The following ZNF326 variants were observed in gnomAD, a reference collection of about 807,000 sequenced individuals.
ZNF326 encodes DBIRD complex subunit ZNF326.
Under a neutral mutation model 63.1 loss-of-function variants are expected in ZNF326, and 30 were observed. The ratio of observed to expected loss-of-function variants is 0.48; its 90% CI spans 0.36 to 0.64. The LOEUF (loss-of-function observed/expected upper bound fraction) is 0.64, where lower values mean the gene tolerates loss of function less well. ZNF326 is among the 30% of genes least tolerant of loss of function. The pLI is 0.00. For synonymous variants in ZNF326, 194 were observed against 228.2 expected, an observed-to-expected ratio of 0.85 and a Z score of 1.35; for missense variants, 609 against 720.3, an observed-to-expected ratio of 0.85 and a Z score of 1.77.
chr1:90,001,214 G>A (rs1648658971), intron 2 of ZNF326, among the ~76,000 whole-genome samples: 1 of 152,150 alleles, frequency 6.6e-6, no homozygotes, highest in South Asian at 2.1e-4. Context: ...CCCAGGGGGT[G>A]CAAAATCTCC....
At chr1:89,995,647 T>G (rs1648323617) in intron 1 of ZNF326, among the ~76,000 whole-genome samples, 1 of 152,262 alleles carries the variant, frequency 6.6e-6, no homozygotes, top group African/African-American at 2.4e-5. Flanking sequence ...AGTCTCGCAT[T>G]CGCCCCACAG....
chr1:90,012,941 ATG>A (rs1252608153), intron 6 of ZNF326, among the ~76,000 whole-genome samples, 183 bp from the exon 7 acceptor site: 1 of 152,218 alleles, frequency 6.6e-6, no homozygotes, highest in Non-Finnish European at 1.5e-5. Flanking sequence ...ATTCAAATGA[ATG>A]AAGTTCATTT....
Position 90,035,063 on chromosome 1 carries a change from AT to A in ZNF326, c.*7367del, listed in dbSNP as rs918331339. The A allele has an allele frequency of 6.6e-6, 1 of 152,216 alleles. No homozygotes were observed. Among genetic ancestry groups the A allele is most frequent in the African/African-American group, 2.4e-5 (1 of 41,466 alleles). The allele number at this position is 152,216 out of a possible 1,614,324, so 9.4% of individuals were successfully genotyped here. On this transcript the variant is annotated 3_prime_UTR_variant, in exon 12 of 12. Transcript: ENST00000340281. ...AAGATTGAACACATTCCAGATTTAA[AT>A]TTTTCAGGCTGAGAATAGAATAAAG...
At chr1:90,014,512 GA>G (rs1182406260) in intron 7 of ZNF326, among the ~76,000 whole-genome samples, 1 of 152,160 alleles carries the variant, frequency 6.6e-6, no homozygotes, top group East Asian at 1.9e-4. Context: ...TTACTAAGGA[GA>G]AATTTGATTT....
At chr1:90,010,384 A>G in intron 6 of ZNF326, 98 bp downstream of exon 6, 8 of 1,259,962 alleles carry the variant, frequency 6.3e-6, no homozygotes, top group Non-Finnish European at 8.8e-6. Context: ...TACAGAAACT[A>G]CATAACAATT....
chr1:90,027,607 G>GAGTGGGGGA lies in ZNF326; in HGVS notation c.1659_1667dup (p.Gly554_Val556dup), dbSNP rs1650081170. ...GTAGGGGTAGTGGGAGAAGTAGAGGGAGTGGGGGAAGTAGAGGAAGTAGAG... is the reference window on the plus strand; with the variant it reads ...GTAGGGGTAGTGGGAGAAGTAGAGGGAGTGGGGGAAGTGGGGGAAGTAGAGGAAGTAGAG... On this transcript the variant is annotated inframe_insertion, in exon 12 of 12. Coordinates refer to ENST00000340281, the MANE Select transcript of ZNF326 (RefSeq NM_182976.4). The GAGTGGGGGA allele has an allele frequency of 1.2e-6, 2 of 1,612,902 alleles. No individual in the cohort carries two copies. Among genetic ancestry groups the GAGTGGGGGA allele is most frequent in the African/African-American group, 1.3e-5 (1 of 74,818 alleles).
chr1:90,001,476 G>A (rs981216246), intron 2 of ZNF326, among the ~76,000 whole-genome samples: 1 of 152,098 alleles, frequency 6.6e-6, no homozygotes, highest in African/African-American at 2.4e-5. Context: ...GGTGCTGGTA[G>A]TGTAGAGTTG....
rs151256798 is a variant in ZNF326, at chr1:90,017,425, A to G, written c.1035A>G (p.Lys345=). 1.9e-6 allele frequency: 3 copies of G among 1,596,238 alleles called. No homozygotes were observed. The highest frequency in any genetic ancestry group is 2.6e-6 in the Non-Finnish European group (3 of 1,175,262). The change falls in exon 8 of 12, where the codon AAA becomes AAG. Residue 345 remains lysine (K), a synonymous_variant. Coordinates refer to ENST00000340281, the MANE Select transcript of ZNF326 (RefSeq NM_182976.4). ...SHQETLDHIQ[K]QTKFDKVVME... ...AGGAAACATTAGATCATATACAGAA[A>G]CAAACTAAATTTGATAAAGTAGTTA...
At chr1:90,003,189 G>A (rs1480764366) in intron 2 of ZNF326, among the ~76,000 whole-genome samples, 2 of 150,200 alleles carry the variant, frequency 1.3e-5, no homozygotes, top group Non-Finnish European at 3.0e-5. Context: ...GGAGTGCAGT[G>A]GCACGATCTT....
intron 2 of ZNF326, among the ~76,000 whole-genome samples, chr1:89,998,562 C>G (rs1387495994): frequency 6.6e-6 from 1 of 152,046 alleles, no homozygotes; most frequent in African/African-American, 2.4e-5. Flanking sequence ...TTTTTGAGGT[C>G]ATTTTCTTCA....
intron 6 of ZNF326, among the ~76,000 whole-genome samples, chr1:90,012,411 C>G (rs1649295033): frequency 6.6e-6 from 1 of 152,056 alleles, no homozygotes; most frequent in Non-Finnish European, 1.5e-5. Flanking sequence ...ATCCGTAGAT[C>G]AGAAAGCAGA....
At chr1:90,003,103 G>A (rs1365766993) in intron 2 of ZNF326, among the ~76,000 whole-genome samples, 4 of 149,464 alleles carry the variant, frequency 2.7e-5, no homozygotes, top group East Asian at 1.9e-4. Flanking sequence ...GGTCGTTTTC[G>A]TTAAAACAAT....
chr1:90,002,151 A>G (rs574593879), intron 2 of ZNF326, among the ~76,000 whole-genome samples: 1 of 152,282 alleles, frequency 6.6e-6, no homozygotes, highest in African/African-American at 2.4e-5. Context: ...CTGTAGCCCT[A>G]TAACTACACT....
intron 11 of ZNF326, among the ~76,000 whole-genome samples, chr1:90,024,892 T>C (rs1314372515): frequency 6.6e-6 from 1 of 152,108 alleles, no homozygotes; most frequent in African/African-American, 2.4e-5. Context: ...TCACCTTTAT[T>C]ATTTGTGAGG....
chr1:90,022,859 G>GT (rs910154152), intron 11 of ZNF326, among the ~76,000 whole-genome samples: 1 of 152,154 alleles, frequency 6.6e-6, no homozygotes, highest in Admixed American at 6.5e-5. Flanking sequence ...TGTCCACCTA[G>GT]TTTTTTCTTC....
chr1:90,010,164 T>C lies in ZNF326; in HGVS notation c.692T>C (p.Val231Ala). The change falls in exon 6 of 12, where the codon GTT becomes GCT. Residue 231 changes from valine to alanine, a missense_variant. Coordinates refer to ENST00000340281, the MANE Select transcript of ZNF326 (RefSeq NM_182976.4). ...CAAAACAAATCCACCAATGTGACAG[T>C]TGCTGCTGCAAGAGGAATAAAGAGA... ...DYQNKSTNVT[V>A]AAARGIKRKM... 6.2e-7 allele frequency: 1 copy of C among 1,613,898 alleles called. No homozygotes were observed.
At chr1:90,002,148 C>T (rs1159009471) in intron 2 of ZNF326, among the ~76,000 whole-genome samples, 3 of 151,890 alleles carry the variant, frequency 2.0e-5, no homozygotes, top group African/African-American at 7.3e-5. Flanking sequence ...TATCTGTAGC[C>T]CTATAACTAC....
chr1:89,998,798 G>T (rs925075100), intron 2 of ZNF326, among the ~76,000 whole-genome samples: 79 of 152,216 alleles, frequency 5.2e-4, no homozygotes, highest in African/African-American at 1.9e-3. Flanking sequence ...ATTAATGCAG[G>T]TTAAAAAACA....
At chr1:90,011,167 A>G (rs1043241148) in intron 6 of ZNF326, among the ~76,000 whole-genome samples, 1 of 152,196 alleles carries the variant, frequency 6.6e-6, no homozygotes, top group Non-Finnish European at 1.5e-5. Flanking sequence ...CCCTTTTTAT[A>G]TAACAAAACT....
Sources: allele counts gnomAD v4.1 joint callset (sites outside exome capture counted in the v4.1 genomes callset), GRCh38; gene constraint gnomAD v4.1.1; transcripts MANE v1.5; gene names NCBI Gene and HGNC (gene_info 2026-07-23, HGNC 2026-07-21).